The following NTNG1 variants were observed in gnomAD, a reference collection of about 807,000 sequenced individuals.
NTNG1 encodes netrin G1.
A neutral mutation model predicts 54.0 loss-of-function variants in NTNG1; 16 were observed. The ratio of observed to expected loss-of-function variants is 0.30; its 90% confidence interval spans 0.20 to 0.45. NTNG1 has a LOEUF of 0.45. NTNG1 is among the 20% of genes least tolerant of loss of function. The pLI is 1.00. For missense variants in NTNG1, 530 were observed against 678.7 expected, an observed-to-expected ratio of 0.78 and a Z score of 2.43; for synonymous variants, 255 against 263.1, an observed-to-expected ratio of 0.97 and a Z score of 0.30.
intron 2 of NTNG1, among the ~76,000 whole-genome samples, chr1:107,241,723 CA>C (rs1570937538): frequency 6.6e-6 from 1 of 152,096 alleles, no homozygotes; most frequent in East Asian, 1.9e-4. Context: ...ACTACTATAC[CA>C]TGTTTTAAAA....
chr1:107,351,917 AG>A (rs1353483094), intron 3 of NTNG1, among the ~76,000 whole-genome samples: 2 of 152,244 alleles, frequency 1.3e-5, no homozygotes, highest in African/African-American at 2.4e-5. Flanking sequence ...GCCAAAAGAA[AG>A]GGGCTACAGG....
chr1:107,421,229 G>C (rs923312494), intron 5 of NTNG1: 9 of 933,578 alleles, frequency 9.6e-6, no homozygotes, highest in Non-Finnish European at 1.5e-5. Context: ...TATCTGTGAA[G>C]TGTACCCATC....
At chr1:107,298,622 C>T (rs745631958) in intron 2 of NTNG1, among the ~76,000 whole-genome samples, 32 of 152,138 alleles carry the variant, frequency 2.1e-4, no homozygotes, top group Non-Finnish European at 3.4e-4. Flanking sequence ...CTAAATTTAA[C>T]TTTTCCTCCC....
intron 2 of NTNG1, among the ~76,000 whole-genome samples, chr1:107,297,050 T>A (rs1167961487): frequency 1.3e-5 from 2 of 148,570 alleles, no homozygotes; most frequent in African/African-American, 4.9e-5. Flanking sequence ...GAGCAAGTAC[T>A]ATCTGGTAAG....
At chr1:107,448,333 A>G (rs530466431) in intron 7 of NTNG1, among the ~76,000 whole-genome samples, 4 of 152,110 alleles carry the variant, frequency 2.6e-5, no homozygotes, top group East Asian at 3.9e-4. Flanking sequence ...AGTCTTGCCA[A>G]TTATAAACCC....
intron 3 of NTNG1, among the ~76,000 whole-genome samples, chr1:107,370,258 A>T (rs1039908054): frequency 6.7e-6 from 1 of 149,944 alleles, no homozygotes; most frequent in African/African-American, 2.4e-5. Flanking sequence ...AAAAAAAAAA[A>T]GCTGCTGAGC....
At chr1:107,468,563 TC>T (rs757551436) in intron 7 of NTNG1, among the ~76,000 whole-genome samples, 36 of 152,158 alleles carry the variant, frequency 2.4e-4, no homozygotes, top group Non-Finnish European at 3.4e-4. Context: ...GAACACCAAA[TC>T]CTTTTACTTG....
intron 2 of NTNG1, among the ~76,000 whole-genome samples, chr1:107,200,637 AT>A (rs1012047150): frequency 4.1e-4 from 63 of 151,884 alleles, no homozygotes; most frequent in Admixed American, 4.6e-4. Flanking sequence ...CCTTTTTAAA[AT>A]GAAAAAAATT....
At chr1:107,154,608 A>C (rs1026693012) in intron 2 of NTNG1, among the ~76,000 whole-genome samples, 5 of 147,360 alleles carry the variant, frequency 3.4e-5, no homozygotes, top group Non-Finnish European at 5.9e-5. Context: ...AAAAAAAAAA[A>C]AAAAAAAAAA....
At chr1:107,420,846 A>G (rs1336467548) in intron 5 of NTNG1, among the ~76,000 whole-genome samples, 1 of 151,994 alleles carries the variant, frequency 6.6e-6, no homozygotes, top group African/African-American at 2.4e-5. Context: ...CTTGATTTAA[A>G]TGGTAATGAT....
intron 7 of NTNG1, among the ~76,000 whole-genome samples, chr1:107,465,440 A>G (rs538718330): frequency 4.4e-4 from 67 of 152,350 alleles, no homozygotes; most frequent in Non-Finnish European, 8.1e-4. Context: ...TGAGGAGACA[A>G]GAAATGCACA....
At chr1:107,236,402 T>A (rs1044491045) in intron 2 of NTNG1, among the ~76,000 whole-genome samples, 3 of 152,078 alleles carry the variant, frequency 2.0e-5, no homozygotes, top group Non-Finnish European at 4.4e-5. Flanking sequence ...GGCATATGTG[T>A]TATTAAAGGT....
intron 7 of NTNG1, among the ~76,000 whole-genome samples, chr1:107,470,499 G>A (rs779189119): frequency 3.9e-5 from 6 of 152,184 alleles, no homozygotes; most frequent in Non-Finnish European, 7.3e-5. Flanking sequence ...ATATTACACA[G>A]GTATGTGTAG....
chr1:107,332,665 A>G (rs1220657784), intron 3 of NTNG1, among the ~76,000 whole-genome samples: 2 of 152,112 alleles, frequency 1.3e-5, no homozygotes, highest in African/African-American at 4.8e-5. Flanking sequence ...TCAATGGTTC[A>G]GTAAAGAGAC....
At chr1:107,261,432 TG>T (rs1460476207) in intron 2 of NTNG1, among the ~76,000 whole-genome samples, 4 of 152,176 alleles carry the variant, frequency 2.6e-5, no homozygotes, top group Non-Finnish European at 5.9e-5. Flanking sequence ...TAAAACTTTT[TG>T]TCTGCATGTT....
chr1:107,385,975 C>T (rs1316037413), intron 3 of NTNG1, among the ~76,000 whole-genome samples: 1 of 150,742 alleles, frequency 6.6e-6, no homozygotes, highest in Admixed American at 6.6e-5. Context: ...ATGTGCCCCT[C>T]GTGCCCCTCT....
chr1:107,161,003 C>T (rs1290968321), intron 2 of NTNG1, among the ~76,000 whole-genome samples: 3 of 152,090 alleles, frequency 2.0e-5, no homozygotes, highest in African/African-American at 7.2e-5. Context: ...GGTTTTACTC[C>T]TTACAGGCCA....
intron 2 of NTNG1, among the ~76,000 whole-genome samples, chr1:107,180,958 T>G (rs1225321122): frequency 6.6e-6 from 1 of 152,210 alleles, no homozygotes; most frequent in African/African-American, 2.4e-5. Context: ...GTTGCTTGAT[T>G]TTGGTCCACC....
rs549181073 is a variant in NTNG1 at position 107,325,123 on chromosome 1, G to C, written c.887+201G>C. Among the ~76,000 whole-genome samples, 33 of 152,210 alleles carry C rather than the reference G, an allele frequency of 2.2e-4. No homozygotes were observed. The South Asian group carries it at 6.8e-3, about 32-fold the overall frequency. On this transcript the variant is annotated intron_variant, in intron 3 of 7. Transcript: ENST00000370068. Reference sequence around the variant, plus strand: ...TTGTAATCCCAAACTTGCTGTCCCTGAACCTGGCATGATTCTTCAGAATTT... The same window carrying C: ...TTGTAATCCCAAACTTGCTGTCCCTCAACCTGGCATGATTCTTCAGAATTT...
Sources: gnomAD v4.1 joint callset for allele counts (sites outside exome capture counted in the v4.1 genomes callset) on GRCh38, gnomAD v4.1.1 for gene constraint, MANE v1.5 for transcripts, NCBI Gene and HGNC (gene_info 2026-07-23, HGNC 2026-07-21) for gene names.